ZEB1: variants seen among roughly 807,000 people sequenced by gnomAD.
ZEB1 encodes the protein zinc finger E-box binding homeobox 1.
A neutral mutation model predicts 84.9 loss-of-function variants in ZEB1; 21 were observed. The observed-to-expected ratio is 0.25, with a 90% CI of 0.18 to 0.36. The LOEUF (loss-of-function observed/expected upper bound fraction) is 0.36, where lower values mean the gene tolerates loss of function less well. Among genes scored for constraint, ZEB1 ranks in the 10% least tolerant of loss-of-function variants. ZEB1 has a pLI of 1.00. For synonymous variants in ZEB1, 420 were observed against 471.1 expected (o/e 0.89, Z 1.41); for missense variants, 1,104 against 1,330.2 (o/e 0.83, Z 2.65).
Position 31,524,110 on chromosome 10 carries a change from A to T in ZEB1, c.2782A>T (p.Thr928Ser). ...SSLLRHKYEH[T>S]GKRPHECGIC... is the part of the protein sequence containing the mutation. ...ATTATTGAGACATAAATATGAACAC[A>T]CAGGTATGTCAGTGAACACAAACAT... Residue 928 changes from threonine to serine, a missense_variant, in exon 8 of 9, where the codon ACA (threonine) becomes TCA (serine). Thr to Ser is a moderately conservative substitution (Grantham distance 58). Transcript: ENST00000424869. 1 of 1,613,726 alleles carries T rather than the reference A, an allele frequency of 6.2e-7. No homozygotes were observed. The highest frequency in any genetic ancestry group is 8.5e-7 in the Non-Finnish European group (1 of 1,179,796).
At chr10:31,519,526 A>G (rs971976748) in intron 6 of ZEB1, among the ~76,000 whole-genome samples, 5 of 152,198 alleles carry the variant, frequency 3.3e-5, no homozygotes, top group Non-Finnish European at 7.3e-5. Context: ...TTTGATACCC[A>G]CTACAGTGTT....
chr10:31,475,580 A>C (rs1269172524), intron 2 of ZEB1, among the ~76,000 whole-genome samples: 1 of 152,188 alleles, frequency 6.6e-6, no homozygotes, highest in Non-Finnish European at 1.5e-5. Flanking sequence ...AAGCTCATCA[A>C]CCTAATGGTA....
intron 1 of ZEB1, among the ~76,000 whole-genome samples, chr10:31,335,503 A>G (rs1003185392): frequency 6.6e-6 from 1 of 152,202 alleles, no homozygotes; most frequent in African/African-American, 2.4e-5. Context: ...AAAGTCACTT[A>G]ATAGAATTTA....
At chr10:31,423,246 CA>C (rs1331532535) in intron 1 of ZEB1, among the ~76,000 whole-genome samples, 2 of 152,016 alleles carry the variant, frequency 1.3e-5, no homozygotes, top group African/African-American at 4.8e-5. Context: ...TCTCTATGGT[CA>C]ACCATTTTCT....
At chr10:31,342,820 G>A (rs2039639231) in intron 1 of ZEB1, among the ~76,000 whole-genome samples, 1 of 152,108 alleles carries the variant, frequency 6.6e-6, no homozygotes, top group South Asian at 2.1e-4. Flanking sequence ...GAAAGCTCCA[G>A]AAATATTCAG....
intron 1 of ZEB1, among the ~76,000 whole-genome samples, chr10:31,414,559 C>A (rs879686002): frequency 4.6e-5 from 7 of 152,128 alleles, no homozygotes; most frequent in Non-Finnish European, 1.0e-4. Context: ...GATTATAGTT[C>A]TAATTTTAGT....
intron 1 of ZEB1, among the ~76,000 whole-genome samples, chr10:31,337,553 A>G (rs1387111207): frequency 6.6e-6 from 1 of 152,050 alleles, no homozygotes; most frequent in Non-Finnish European, 1.5e-5. Flanking sequence ...AGTATTTGCC[A>G]TGTATTTCCT....
chr10:31,473,383 A>G lies in ZEB1; in HGVS notation c.259+12146A>G, dbSNP rs1342208472. 8.3e-3 allele frequency among the ~76,000 whole-genome samples: 1,250 copies of G among 151,378 alleles called. 19 individuals are homozygous for G. Among genetic ancestry groups the G allele is most frequent in the African/African-American group, 0.027 (1,093 of 41,128 alleles). ...AAGTCTCAGGATACAAAATCAATGT[A>G]CAAAAATCACAAGCATTCTTATACA... On this transcript the variant is annotated intron_variant, in intron 2 of 8. Coordinates refer to ENST00000424869, the MANE Select transcript of ZEB1 (RefSeq NM_001174096.2).
intron 1 of ZEB1, among the ~76,000 whole-genome samples, chr10:31,338,186 A>T (rs1402113651): frequency 6.6e-6 from 1 of 152,216 alleles, no homozygotes; most frequent in African/African-American, 2.4e-5. Flanking sequence ...TTCTAACTTA[A>T]AATATGTGTG....
chr10:31,432,389 G>C (rs2057816879), intron 1 of ZEB1, among the ~76,000 whole-genome samples: 1 of 152,178 alleles, frequency 6.6e-6, no homozygotes, highest in African/African-American at 2.4e-5. Context: ...AGGAGTTTGA[G>C]ACTAGCCTTG....
intron 1 of ZEB1, among the ~76,000 whole-genome samples, chr10:31,405,884 C>T (rs181421742): frequency 1.0e-3 from 158 of 152,196 alleles, no homozygotes; most frequent in Admixed American, 2.9e-3. Flanking sequence ...GTGATGTTCC[C>T]TCCCTGTGTC....
intron 4 of ZEB1, among the ~76,000 whole-genome samples, chr10:31,502,929 C>T (rs1292753278): frequency 6.6e-6 from 1 of 152,022 alleles, no homozygotes; most frequent in African/African-American, 2.4e-5. Context: ...TGCCTTAGTC[C>T]ACTCTGATAT....
At position 31,319,361 on chromosome 10, in the gene ZEB1, G is replaced by T. The variant is rs1337018717; in HGVS notation, c.58+69G>T. On this transcript the variant is annotated intron_variant, in intron 1 of 8. Coordinates refer to ENST00000424869, the MANE Select transcript of ZEB1 (RefSeq NM_001174096.2). ...CTGGGCAGCCGGGGCGCCCCCGGGGGTGAGGGGGGCGAGCCGGGCTGGGGG... is the reference window on the plus strand; with the variant it reads ...CTGGGCAGCCGGGGCGCCCCCGGGGTTGAGGGGGGCGAGCCGGGCTGGGGG... 5.9e-6 allele frequency: 9 copies of T among 1,523,466 alleles called. No individual in the cohort carries two copies. In the South Asian group the frequency reaches 7.0e-5, roughly 12 times the overall value. 94.4% of individuals were successfully genotyped at this position (1,523,466 alleles called of 1,614,324 possible). A position where few individuals can be genotyped will look rare whatever the true frequency, so the allele number is the denominator to read the frequency against.
At chr10:31,351,939 T>C (rs999459970) in intron 1 of ZEB1, among the ~76,000 whole-genome samples, 1 of 152,168 alleles carries the variant, frequency 6.6e-6, no homozygotes, top group Non-Finnish European at 1.5e-5. Flanking sequence ...AGTTTCTAAA[T>C]AAGACAAAAC....
chr10:31,321,420 A>G, intron 1 of ZEB1: 1 of 1,610,418 alleles, frequency 6.2e-7, no homozygotes, highest in Non-Finnish European at 8.5e-7. Flanking sequence ...ATGACTTGTT[A>G]TAGCAAGGAG....
intron 1 of ZEB1, among the ~76,000 whole-genome samples, chr10:31,414,173 A>G (rs939896672): frequency 2.6e-5 from 4 of 152,242 alleles, no homozygotes; most frequent in Non-Finnish European, 4.4e-5. Context: ...TGCCATTTTC[A>G]GAATTCAATA....
intron 1 of ZEB1, among the ~76,000 whole-genome samples, chr10:31,390,746 G>A (rs545164434): frequency 9.2e-5 from 14 of 152,226 alleles, no homozygotes; most frequent in East Asian, 3.9e-4. Flanking sequence ...GGCTTACTTC[G>A]TTACAAGTAT....
At chr10:31,469,237 G>A (rs953347306) in intron 2 of ZEB1, among the ~76,000 whole-genome samples, 6 of 152,076 alleles carry the variant, frequency 3.9e-5, no homozygotes, top group Non-Finnish European at 7.4e-5. Context: ...AACAGCTCCG[G>A]TCTACAGCTC....
At chr10:31,331,957 C>A (rs1361854889) in intron 1 of ZEB1, among the ~76,000 whole-genome samples, 1 of 152,084 alleles carries the variant, frequency 6.6e-6, no homozygotes, top group East Asian at 1.9e-4. Flanking sequence ...CAAAGAGTGA[C>A]ATGATTACAT....
Sources: allele counts gnomAD v4.1 joint callset (sites outside exome capture counted in the v4.1 genomes callset), GRCh38; gene constraint gnomAD v4.1.1; transcripts MANE v1.5; gene names NCBI Gene and HGNC (gene_info 2026-07-23, HGNC 2026-07-21).